ZNF738: variants seen among roughly 807,000 people sequenced by gnomAD.
ZNF738 encodes zinc finger protein 738.
Under a neutral mutation model 9.2 loss-of-function variants are expected in ZNF738, and 10 were observed. That is an observed-to-expected ratio of 1.09 (90% confidence interval 0.67 to 1.85). The LOEUF (loss-of-function observed/expected upper bound fraction) is 1.85, where lower values mean the gene tolerates loss of function less well. Ranked by LOEUF, ZNF738 falls within the 40% of genes most tolerant of loss-of-function variation. ZNF738 has a pLI of 0.00. For synonymous variants in ZNF738, 113 were observed against 94.5 expected (o/e 1.20, Z -1.14); for missense variants, 346 against 283.6 (o/e 1.22, Z -1.58).
At chr19:21,378,734 G>T in intron 4 of ZNF738, 3 of 318,592 alleles carry the variant, frequency 9.4e-6, no homozygotes, top group South Asian at 4.7e-5. Context: ...CGAGTAGCTG[G>T]GATTACGGGC....
rs2968042 is a variant in ZNF738 at position 21,383,193 on chromosome 19, T to G, written c.647T>G (p.Leu216Arg). 15 of 1,600,856 alleles carry G rather than the reference T, an allele frequency of 9.4e-6. No homozygotes were observed. In the African/African-American group the frequency reaches 1.9e-4, roughly 20 times the overall value. The change falls in exon 5 of 5, where the codon CTT (leucine) becomes CGT (arginine). Residue 216 changes from leucine to arginine, a missense_variant. Physicochemically the swap from Leu to Arg is moderately radical, Grantham distance 102. Coordinates refer to ENST00000683779, the MANE Select transcript of ZNF738 (RefSeq NM_001355237.2). ...AAATGTGGCAAATCATTTTGCATGC[T>G]TTTACACCTAGGTCAACATAAAATA... ...CKKCGKSFCM[L>R]LHLGQHKIIH...
chr19:21,377,255 T>C, intron 4 of ZNF738: 1 of 482,916 alleles, frequency 2.1e-6, no homozygotes, highest in Non-Finnish European at 3.7e-6. Flanking sequence ...TGTGGTGAGC[T>C]GAGATCGTGC....
intron 1 of ZNF738, among the ~76,000 whole-genome samples, chr19:21,360,183 A>T (rs1347121787): frequency 1.3e-5 from 2 of 152,228 alleles, no homozygotes; most frequent in African/African-American, 4.8e-5. Flanking sequence ...CCTGAGTTAG[A>T]TTTTTTAAAT....
chr19:21,374,226 C>T (rs1207781633), intron 2 of ZNF738, among the ~76,000 whole-genome samples: 1 of 152,060 alleles, frequency 6.6e-6, no homozygotes, highest in Non-Finnish European at 1.5e-5. Flanking sequence ...AACTGGATGG[C>T]ATTTATTACT....
intron 2 of ZNF738, among the ~76,000 whole-genome samples, chr19:21,370,094 G>A (rs1346484300): frequency 6.6e-6 from 1 of 152,192 alleles, no homozygotes; most frequent in African/African-American, 2.4e-5. Context: ...TTACAGGTGT[G>A]AGCCACCATG....
intron 2 of ZNF738, among the ~76,000 whole-genome samples, chr19:21,364,344 C>T (rs752140565): frequency 2.0e-5 from 3 of 151,464 alleles, no homozygotes; most frequent in East Asian, 1.9e-4. Flanking sequence ...GAATGGCAAA[C>T]GGGGGGTTAA....
chr19:21,365,518 G>A (rs111994255), intron 2 of ZNF738, among the ~76,000 whole-genome samples: 1 of 152,114 alleles, frequency 6.6e-6, no homozygotes, highest in African/African-American at 2.4e-5. Context: ...GTATAGGGGC[G>A]ATGATATTCT....
intron 2 of ZNF738, chr19:21,372,643 A>G (rs1351173973): frequency 1.3e-5 from 2 of 152,238 alleles, no homozygotes; most frequent in African/African-American, 4.8e-5. Context: ...ATAAACAAGT[A>G]AACATAAACA....
rs1406108052 is a variant in ZNF738, at chr19:21,377,722, C to G, written c.319+1758C>G. On this transcript the variant is annotated intron_variant, in intron 4 of 4. Coordinates refer to ENST00000683779, the MANE Select transcript of ZNF738 (RefSeq NM_001355237.2). ...TAATATTTGCATGCAATGTCTAAAT[C>G]TATCTTGCCACCTTCAGTATGTTTT... The G allele has an allele frequency of 8.1e-6, 3 of 369,540 alleles. No individual in the cohort carries two copies. In the East Asian group the frequency reaches 1.2e-4, roughly 14 times the overall value. The allele number at this position is 369,540 out of a possible 1,614,324, so 22.9% of individuals were successfully genotyped here.
At chr19:21,360,865 T>A (rs1973679190) in intron 1 of ZNF738, among the ~76,000 whole-genome samples, 1 of 151,524 alleles carries the variant, frequency 6.6e-6, no homozygotes, top group Non-Finnish European at 1.5e-5. Flanking sequence ...GTTTCACTCT[T>A]GTTGCAAAGG....
chr19:21,381,239 C>T (rs1012565259), intron 4 of ZNF738: 9 of 1,574,950 alleles, frequency 5.7e-6, no homozygotes, highest in Non-Finnish European at 6.9e-6. Flanking sequence ...AAAGCTTTCT[C>T]TACAGCCACA....
At position 21,383,499 on chromosome 19, in the gene ZNF738, G is replaced by A; in HGVS notation, c.953G>A (p.Cys318Tyr). Residue 318 changes from cysteine to tyrosine, a missense_variant, in exon 5 of 5, where the codon TGT becomes TAT. Physicochemically the swap from Cys to Tyr is radical, Grantham distance 194 (BLOSUM62 -2). Transcript: ENST00000683779. ...CATGCTGGAGAGAAACCCTACAAAT[G>A]TGAAGGATGTGGCAAAGCTTTCTGC... ...TIHAGEKPYK[C>Y]EGCGKAFCQF... The A allele has an allele frequency of 1.2e-6, 1 of 845,064 alleles. No homozygotes were observed. Among genetic ancestry groups the A allele is most frequent in the Non-Finnish European group, 2.0e-6 (1 of 498,216 alleles). The allele number at this position is 845,064 out of a possible 1,614,324, so 52.3% of individuals were successfully genotyped here.
Position 21,375,902 on chromosome 19 carries a change from G to C in ZNF738, c.257G>C (p.Cys86Ser), listed in dbSNP as rs778337421. The change falls in exon 4 of 5, where the codon TGT (cysteine) becomes TCT (serine). Residue 86 changes from cysteine to serine, a missense_variant. Coordinates refer to ENST00000683779, the MANE Select transcript of ZNF738 (RefSeq NM_001355237.2). The part of the protein sequence containing the change: ...IDVSKPDLIT[C>S]LEQGKDPWNM... Reference sequence around the variant, plus strand: ...GTCTCTAAGCCAGATCTGATCACCTGTCTGGAGCAAGGAAAAGATCCCTGG... The same window carrying C: ...GTCTCTAAGCCAGATCTGATCACCTCTCTGGAGCAAGGAAAAGATCCCTGG... The C allele has an allele frequency of 1.3e-6, 1 of 797,240 alleles. No individual in the cohort carries two copies. The highest frequency in any genetic ancestry group is 2.3e-6 in the Non-Finnish European group (1 of 435,420). 49.4% of individuals were successfully genotyped at this position (797,240 alleles called of 1,614,324 possible).
intron 2 of ZNF738, chr19:21,372,300 A>T (rs1197753300): frequency 6.6e-6 from 1 of 152,172 alleles, no homozygotes; most frequent in East Asian, 1.9e-4. Context: ...TACTCCAGTG[A>T]CATAGAAAAC....
intron 2 of ZNF738, among the ~76,000 whole-genome samples, chr19:21,373,072 C>G (rs2562435): frequency 0.95 from 144,879 of 152,264 alleles, 69,189 homozygotes; most frequent in Middle Eastern, 1. Context: ...AGCATTGACA[C>G]GGGACTTGTT....
At chr19:21,375,464 C>A in intron 3 of ZNF738, 100 bp downstream of exon 3, 1 of 549,886 alleles carries the variant, frequency 1.8e-6, no homozygotes, top group East Asian at 3.0e-5. Flanking sequence ...TGCATAAATG[C>A]GTTTCTGATC....
Position 21,383,772 on chromosome 19 carries a change from T to TC in ZNF738, c.*98_*99insC. On this transcript the variant is annotated 3_prime_UTR_variant, in exon 5 of 5. Transcript: ENST00000683779. ...AAATGTGAGGAATGTGGCAAAGCTT[T>TC]TAAACAGTCCTCAAACCTTACTACT... The TC allele has an allele frequency of 8.6e-7, 1 of 1,162,982 alleles. No individual in the cohort carries two copies. The highest frequency in any genetic ancestry group is 1.3e-6 in the Non-Finnish European group (1 of 777,978). The allele number at this position is 1,162,982 out of a possible 1,614,324, so 72.0% of individuals were successfully genotyped here.
At chr19:21,373,092 C>T (rs1182989738) in intron 2 of ZNF738, among the ~76,000 whole-genome samples, 1 of 152,176 alleles carries the variant, frequency 6.6e-6, no homozygotes, top group African/African-American at 2.4e-5. Flanking sequence ...TTGAAACACC[C>T]ATCCATGGAC....
chr19:21,376,908 C>T (rs942830582), intron 4 of ZNF738, among the ~76,000 whole-genome samples: 5 of 151,914 alleles, frequency 3.3e-5, no homozygotes, highest in African/African-American at 4.8e-5. Flanking sequence ...TTTATGACTC[C>T]GTTTTTGGCC....
Sources: gnomAD v4.1 joint callset for allele counts (sites outside exome capture counted in the v4.1 genomes callset) on GRCh38, gnomAD v4.1.1 for gene constraint, MANE v1.5 for transcripts, NCBI Gene and HGNC (gene_info 2026-07-23, HGNC 2026-07-21) for gene names.